Variants in DGKB observed in about 807,000 individuals in gnomAD.
The protein encoded by DGKB is diacylglycerol kinase beta, also known as 90 kDa diacylglycerol kinase.
Under a neutral mutation model 114.3 loss-of-function variants are expected in DGKB, and 67 were observed. That is an observed-to-expected ratio of 0.59 (90% CI 0.48 to 0.72). DGKB has a LOEUF of 0.72. Ranked by LOEUF, DGKB falls within the 30% of genes least tolerant of loss-of-function variation. The pLI, the probability that DGKB is intolerant of heterozygous loss-of-function variation, is 0.00. For synonymous variants in DGKB, 398 were observed against 323.1 expected, an observed-to-expected ratio of 1.23 and a Z score of -2.49; for missense variants, 907 against 975.2, an observed-to-expected ratio of 0.93 and a Z score of 0.93.
chr7:14,458,986 A>G (rs1832701214), intron 21 of DGKB, among the ~76,000 whole-genome samples: 1 of 152,182 alleles, frequency 6.6e-6, no homozygotes, highest in Non-Finnish European at 1.5e-5. Flanking sequence ...AGCAGTCTGA[A>G]GTCAACCTGG....
intron 20 of DGKB, among the ~76,000 whole-genome samples, chr7:14,540,618 G>C (rs181241399): frequency 6.6e-6 from 1 of 152,152 alleles, no homozygotes; most frequent in African/African-American, 2.4e-5. Context: ...TTCTACATTG[G>C]TAATATAGTT....
intron 1 of DGKB, among the ~76,000 whole-genome samples, chr7:14,855,559 C>T (rs1424620272): frequency 2.6e-5 from 4 of 151,954 alleles, no homozygotes; most frequent in Non-Finnish European, 5.9e-5. Context: ...TACATACATA[C>T]CCCCATGCAT....
intron 21 of DGKB, among the ~76,000 whole-genome samples, chr7:14,406,510 C>T (rs555168200): frequency 6.6e-5 from 10 of 152,096 alleles, no homozygotes; most frequent in South Asian, 4.1e-4. Context: ...CTACTGATCA[C>T]GACAGCACTT....
intron 12 of DGKB, among the ~76,000 whole-genome samples, chr7:14,680,509 A>T (rs1820639721): frequency 6.6e-6 from 1 of 152,028 alleles, no homozygotes; most frequent in Non-Finnish European, 1.5e-5. Flanking sequence ...TAACTTGTGA[A>T]TGGTAGGGCT....
chr7:14,643,270 A>G (rs181812392), intron 13 of DGKB, among the ~76,000 whole-genome samples: 2 of 152,228 alleles, frequency 1.3e-5, no homozygotes, highest in East Asian at 3.9e-4. Flanking sequence ...GATGTCTGGA[A>G]TCCTAGGGAG....
At chr7:14,631,072 A>G (rs532124811) in intron 13 of DGKB, among the ~76,000 whole-genome samples, 1 of 151,824 alleles carries the variant, frequency 6.6e-6, no homozygotes, top group South Asian at 2.1e-4. Context: ...GTTGGATGGG[A>G]TGCCAGTTCT....
At chr7:14,382,990 C>A (rs1400083960) in intron 21 of DGKB, among the ~76,000 whole-genome samples, 1 of 152,182 alleles carries the variant, frequency 6.6e-6, no homozygotes, top group Non-Finnish European at 1.5e-5. Context: ...AACGGAATAA[C>A]CTCATCCCTG....
chr7:14,928,891 T>G (rs994114857), intron 1 of DGKB, among the ~76,000 whole-genome samples: 4 of 151,956 alleles, frequency 2.6e-5, no homozygotes, highest in African/African-American at 9.7e-5. Context: ...TCTGTACATA[T>G]TATCTAGCTC....
chr7:14,538,012 G>A (rs1433592102), intron 20 of DGKB, among the ~76,000 whole-genome samples: 1 of 146,564 alleles, frequency 6.8e-6, no homozygotes, highest in African/African-American at 2.5e-5. Context: ...CCTAGAAGGC[G>A]GAGTTTGTGG....
At chr7:14,275,234 C>T (rs531967855) in intron 23 of DGKB, among the ~76,000 whole-genome samples, 1 of 152,210 alleles carries the variant, frequency 6.6e-6, no homozygotes, top group African/African-American at 2.4e-5. Flanking sequence ...TGCATATCTT[C>T]TCATCTTAAG....
At chr7:14,965,028 A>G (rs1787074303) in intron 1 of DGKB, among the ~76,000 whole-genome samples, 2 of 152,180 alleles carry the variant, frequency 1.3e-5, no homozygotes, top group Non-Finnish European at 2.9e-5. Context: ...TGGATTCACA[A>G]TATTTCCTTC....
intron 5 of DGKB, among the ~76,000 whole-genome samples, chr7:14,729,181 G>A (rs1187494725): frequency 1.4e-5 from 2 of 138,304 alleles, no homozygotes; most frequent in East Asian, 2.1e-4. Context: ...GGAGTGCAGT[G>A]GCGCCATCTC....
At chr7:14,364,456 G>C (rs552672579) in intron 21 of DGKB, among the ~76,000 whole-genome samples, 1 of 151,842 alleles carries the variant, frequency 6.6e-6, no homozygotes, top group African/African-American at 2.4e-5. Flanking sequence ...GGAAGGGAGG[G>C]AAAAGAAGAG....
intron 19 of DGKB, among the ~76,000 whole-genome samples, chr7:14,576,318 T>C (rs1799111137): frequency 6.6e-6 from 1 of 152,004 alleles, no homozygotes; most frequent in Non-Finnish European, 1.5e-5. Flanking sequence ...TTCTTAATAG[T>C]GCTACCTTAT....
At chr7:14,258,266 G>A (rs10264130) in intron 23 of DGKB, among the ~76,000 whole-genome samples, 23,985 of 152,200 alleles carry the variant, frequency 0.16, 2,229 homozygotes, top group African/African-American at 0.26. Flanking sequence ...ACCAGAATAA[G>A]AAGACTGTGT....
chr7:14,848,496 G>T (rs1045324377), intron 1 of DGKB, among the ~76,000 whole-genome samples: 1 of 152,158 alleles, frequency 6.6e-6, no homozygotes, highest in Non-Finnish European at 1.5e-5. Context: ...TAAGATAAGA[G>T]ATAAGAGGTA....
chr7:14,716,557 ACAAT>A (rs1303679036), intron 6 of DGKB, among the ~76,000 whole-genome samples: 12 of 152,208 alleles, frequency 7.9e-5, no homozygotes, highest in East Asian at 1.9e-4. Flanking sequence ...TATTAAACTA[ACAAT>A]CAACACAAAT....
chr7:14,849,608 A>G (rs1021090907), intron 1 of DGKB, among the ~76,000 whole-genome samples: 1 of 152,198 alleles, frequency 6.6e-6, no homozygotes, highest in African/African-American at 2.4e-5. Flanking sequence ...TTCTGTTAAG[A>G]GCAGCACAAA....
intron 1 of DGKB, among the ~76,000 whole-genome samples, chr7:14,844,564 G>A (rs1848383410): frequency 6.6e-6 from 1 of 152,128 alleles, no homozygotes; most frequent in Admixed American, 6.5e-5. Flanking sequence ...TGAAATGTCA[G>A]TATCTTCATT....
Sources: allele counts gnomAD v4.1 joint callset (sites outside exome capture counted in the v4.1 genomes callset), GRCh38; gene constraint gnomAD v4.1.1; transcripts MANE v1.5; gene names NCBI Gene and HGNC (gene_info 2026-07-23, HGNC 2026-07-21).